PTPRD: variants seen among roughly 807,000 people sequenced by gnomAD.
PTPRD encodes receptor-type tyrosine-protein phosphatase delta.
PTPRD carries 34 observed loss-of-function variants against 214.5 expected under a neutral mutation model. The observed-to-expected ratio is 0.16, with a 90% CI of 0.12 to 0.21. PTPRD has a LOEUF of 0.21. Ranked by LOEUF, PTPRD falls within the 10% of genes least tolerant of loss-of-function variation. PTPRD has a pLI of 1.00. For synonymous variants in PTPRD, 1,128 were observed against 845.7 expected (o/e 1.33, Z -5.79); for missense variants, 2,545 against 2,398.7 (o/e 1.06, Z -1.27).
intron 5 of PTPRD, chr9:9,799,728 A>G (rs1248146541): frequency 6.6e-6 from 1 of 152,198 alleles, no homozygotes; most frequent in Non-Finnish European, 1.5e-5. Context: ...TGGAAATAAA[A>G]TGATGTCCCA....
At chr9:9,724,728 T>A (rs547613925) in intron 7 of PTPRD, among the ~76,000 whole-genome samples, 1 of 152,142 alleles carries the variant, frequency 6.6e-6, no homozygotes, top group African/African-American at 2.4e-5. Context: ...ACTACAAAAG[T>A]TGCATGTAAT....
chr9:10,124,878 T>G (rs2098803864), intron 3 of PTPRD, among the ~76,000 whole-genome samples: 1 of 152,162 alleles, frequency 6.6e-6, no homozygotes, highest in Non-Finnish European at 1.5e-5. Context: ...GTGGATGTTT[T>G]AAAGGAGGAG....
intron 11 of PTPRD, among the ~76,000 whole-genome samples, chr9:8,856,005 T>A (rs556882311): frequency 3.9e-5 from 6 of 152,172 alleles, no homozygotes; most frequent in Non-Finnish European, 8.8e-5. Flanking sequence ...GTACAGTACA[T>A]AATTATGGAA....
chr9:9,863,841 A>T (rs1336127391), intron 5 of PTPRD, among the ~76,000 whole-genome samples: 2 of 152,070 alleles, frequency 1.3e-5, no homozygotes, highest in Admixed American at 6.6e-5. Flanking sequence ...GGACGGAAAA[A>T]AAAAAAAAAG....
chr9:8,389,364 C>T lies in PTPRD; in HGVS notation c.4254G>A (p.Gly1418=), dbSNP rs2279776. Residue 1418 remains glycine (G), a synonymous_variant, in exon 37 of 46, where the codon GGG becomes GGA. Coordinates refer to ENST00000381196, the MANE Select transcript of PTPRD (RefSeq NM_002839.4). ...CAATATAGGCATTTTGCTTCCTATACCCATCTATGTAGTTGGCATTCACAT... is the reference window on the plus strand; with the variant it reads ...CAATATAGGCATTTTGCTTCCTATATCCATCTATGTAGTTGGCATTCACAT... The part of the protein sequence containing the change: ...SDYVNANYID[G]YRKQNAYIAT... The T allele has an allele frequency of 6.2e-7, 1 of 1,612,096 alleles. No individual in the cohort carries two copies. The highest frequency in any genetic ancestry group is 8.5e-7 in the Non-Finnish European group (1 of 1,179,040).
chr9:9,051,022 A>G (rs2099684188), intron 10 of PTPRD, among the ~76,000 whole-genome samples: 1 of 152,136 alleles, frequency 6.6e-6, no homozygotes, highest in Non-Finnish European at 1.5e-5. Flanking sequence ...TGTGAGCATT[A>G]CTTTTTAATT....
chr9:9,483,557 A>G (rs1375865944), intron 8 of PTPRD, among the ~76,000 whole-genome samples: 1 of 152,126 alleles, frequency 6.6e-6, no homozygotes, highest in Admixed American at 6.6e-5. Context: ...TAGGCAAAGG[A>G]AGCAACTTGT....
chr9:8,610,417 C>T (rs1000789931), intron 14 of PTPRD, among the ~76,000 whole-genome samples: 2 of 152,110 alleles, frequency 1.3e-5, no homozygotes, highest in Non-Finnish European at 2.9e-5. Context: ...TAGTTAGTGT[C>T]GATTCTGGGA....
intron 2 of PTPRD, among the ~76,000 whole-genome samples, chr9:10,367,771 G>T (rs1300403694): frequency 6.6e-6 from 1 of 151,992 alleles, no homozygotes; most frequent in Non-Finnish European, 1.5e-5. Context: ...GTCAAGAAAG[G>T]CAAAATGGGA....
At chr9:9,283,176 G>A (rs1477388180) in intron 9 of PTPRD, among the ~76,000 whole-genome samples, 3 of 151,374 alleles carry the variant, frequency 2.0e-5, no homozygotes, top group Non-Finnish European at 4.4e-5. Context: ...AGACAGGATG[G>A]CTTGATCTAT....
chr9:8,583,002 G>A (rs2093318286), intron 14 of PTPRD, among the ~76,000 whole-genome samples: 1 of 152,148 alleles, frequency 6.6e-6, no homozygotes, highest in Admixed American at 6.5e-5. Context: ...ACTTAAAAAT[G>A]GATTAATAAA....
chr9:10,253,636 A>G (rs544501143), intron 3 of PTPRD, among the ~76,000 whole-genome samples: 58 of 152,318 alleles, frequency 3.8e-4, no homozygotes, highest in Admixed American at 6.5e-5. Flanking sequence ...TTTCAAGAAA[A>G]ATCTGTTGGA....
chr9:10,149,543 G>A (rs1417193754), intron 3 of PTPRD, among the ~76,000 whole-genome samples: 1 of 152,052 alleles, frequency 6.6e-6, no homozygotes, highest in African/African-American at 2.4e-5. Context: ...TCTACCTGGT[G>A]TACACCACTT....
At chr9:8,826,090 T>C (rs941833303) in intron 11 of PTPRD, among the ~76,000 whole-genome samples, 1 of 152,148 alleles carries the variant, frequency 6.6e-6, no homozygotes, top group African/African-American at 2.4e-5. Flanking sequence ...CACAGGCCTC[T>C]GACAATTCAC....
At chr9:8,728,453 C>T (rs1392074610) in intron 12 of PTPRD, among the ~76,000 whole-genome samples, 7 of 152,214 alleles carry the variant, frequency 4.6e-5, no homozygotes, top group Non-Finnish European at 4.4e-5. Flanking sequence ...CTGCCTCAGT[C>T]TCCCAATGTG....
intron 2 of PTPRD, among the ~76,000 whole-genome samples, chr9:10,501,146 C>T (rs1458137709): frequency 6.6e-6 from 1 of 151,958 alleles, no homozygotes; most frequent in Non-Finnish European, 1.5e-5. Context: ...TACTAATTTA[C>T]ATTCCCACCA....
chr9:9,558,106 G>A (rs544764285), intron 8 of PTPRD, among the ~76,000 whole-genome samples: 1 of 152,246 alleles, frequency 6.6e-6, no homozygotes. Flanking sequence ...CCATCTGCAA[G>A]ATGGACAGCT....
At chr9:9,654,037 C>A (rs1229746996) in intron 7 of PTPRD, among the ~76,000 whole-genome samples, 1 of 152,054 alleles carries the variant, frequency 6.6e-6, no homozygotes. Flanking sequence ...AAATTGAAAC[C>A]TCACAAGACC....
chr9:10,421,525 G>C (rs1399731363), intron 2 of PTPRD, among the ~76,000 whole-genome samples: 3 of 151,778 alleles, frequency 2.0e-5, no homozygotes, highest in Non-Finnish European at 4.4e-5. Context: ...TACTGAGCCA[G>C]TTTAAGGAGA....
Sources: allele counts gnomAD v4.1 joint callset (sites outside exome capture counted in the v4.1 genomes callset), GRCh38; gene constraint gnomAD v4.1.1; transcripts MANE v1.5; gene names NCBI Gene and HGNC (gene_info 2026-07-23, HGNC 2026-07-21).